Variants in ZNF385D observed in about 807,000 individuals in gnomAD.
The protein encoded by ZNF385D is zinc finger protein 659.
ZNF385D carries 15 observed loss-of-function variants against 35.8 expected under a neutral mutation model. The ratio of observed to expected loss-of-function variants is 0.42; its 90% confidence interval spans 0.28 to 0.64. The LOEUF (loss-of-function observed/expected upper bound fraction) is 0.64. Ranked by LOEUF, ZNF385D falls within the 30% of genes least tolerant of loss-of-function variation. The pLI is 0.23. For synonymous variants in ZNF385D, 212 were observed against 186.8 expected (o/e 1.13, Z -1.10); for missense variants, 474 against 494.6 (o/e 0.96, Z 0.39).
chr3:21,787,851 A>T (rs1187575524), intron 3 of ZNF385D, among the ~76,000 whole-genome samples: 1 of 148,874 alleles, frequency 6.7e-6, no homozygotes, highest in Non-Finnish European at 1.5e-5. Flanking sequence ...CTGAGGCAGG[A>T]GAATGGCGTG....
chr3:21,898,333 T>C (rs979288573), intron 3 of ZNF385D, among the ~76,000 whole-genome samples: 12 of 152,156 alleles, frequency 7.9e-5, no homozygotes, highest in African/African-American at 2.7e-4. Context: ...ACACAGCTCA[T>C]TGTAATGGAA....
upstream of ZNF385D, chr3:21,751,473 C>T (rs1385164887): frequency 2.0e-6 from 2 of 985,078 alleles, no homozygotes; most frequent in African/African-American, 1.7e-5. Flanking sequence ...CTGCCATTAA[C>T]GTGTAATTAG....
At position 21,721,376 on chromosome 3, in the gene ZNF385D, C is replaced by T. The variant is rs575549069; in HGVS notation, c.22+29519G>A. ...AAATCTTTAGACAGGCTCTGTCTCT[C>T]GGTGGTCTAAAATAGCCTTCCCATG... On this transcript the variant is annotated intron_variant, in intron 1 of 7. Transcript: ENST00000281523. 2.0e-3 allele frequency among the ~76,000 whole-genome samples: 299 copies of T among 151,840 alleles called. 1 individual carries two copies. The highest frequency in any genetic ancestry group is 6.8e-3 in the Middle Eastern group (2 of 292).
chr3:21,814,338 C>A (rs1032289606), intron 3 of ZNF385D, among the ~76,000 whole-genome samples: 26 of 152,156 alleles, frequency 1.7e-4, no homozygotes, highest in African/African-American at 6.0e-4. Context: ...GGATCAAATT[C>A]ACACATAACA....
At chr3:21,992,452 T>C (rs1190115818) in intron 3 of ZNF385D, among the ~76,000 whole-genome samples, 1 of 152,176 alleles carries the variant, frequency 6.6e-6, no homozygotes, top group Non-Finnish European at 1.5e-5. Context: ...CAAATTATAT[T>C]ATCATCATCC....
intron 3 of ZNF385D, among the ~76,000 whole-genome samples, chr3:21,966,604 C>G (rs560275938): frequency 6.6e-6 from 1 of 152,214 alleles, no homozygotes; most frequent in East Asian, 1.9e-4. Context: ...TTGTTTGAGA[C>G]GCAGTCACAC....
chr3:21,899,180 C>T (rs1303663138), intron 3 of ZNF385D, among the ~76,000 whole-genome samples: 1 of 152,034 alleles, frequency 6.6e-6, no homozygotes, highest in Admixed American at 6.6e-5. Context: ...AAGAATGTTA[C>T]TGTACGTGCT....
chr3:21,903,104 A>G (rs1482289730), intron 3 of ZNF385D, among the ~76,000 whole-genome samples: 3 of 152,128 alleles, frequency 2.0e-5, no homozygotes, highest in Non-Finnish European at 4.4e-5. Context: ...AAATGATTGC[A>G]CCTGTTGCAC....
At chr3:22,234,442 C>A (rs1699063537) in intron 2 of ZNF385D, among the ~76,000 whole-genome samples, 1 of 152,032 alleles carries the variant, frequency 6.6e-6, no homozygotes, top group South Asian at 2.1e-4. Flanking sequence ...TCATTCATTT[C>A]ATCCAGTCTA....
intron 2 of ZNF385D, among the ~76,000 whole-genome samples, chr3:21,619,398 G>A (rs2064938380): frequency 6.7e-6 from 1 of 149,794 alleles, no homozygotes; most frequent in African/African-American, 2.5e-5. Flanking sequence ...TTTCTTAGTT[G>A]TCATCGTGTG....
At chr3:21,768,137 A>T (rs1365084504) in intron 3 of ZNF385D, among the ~76,000 whole-genome samples, 9 of 152,072 alleles carry the variant, frequency 5.9e-5, no homozygotes, top group Admixed American at 5.9e-4. Flanking sequence ...TAAATGAGAG[A>T]ATCCCCAGGC....
intron 1 of ZNF385D, among the ~76,000 whole-genome samples, chr3:21,739,177 T>G (rs1228144876): frequency 1.3e-5 from 2 of 152,216 alleles, no homozygotes; most frequent in Non-Finnish European, 2.9e-5. Context: ...GAGGTCTAAG[T>G]GGTAGACTCT....
At chr3:22,300,367 C>G (rs1702831385) in intron 2 of ZNF385D, among the ~76,000 whole-genome samples, 1 of 144,998 alleles carries the variant, frequency 6.9e-6, no homozygotes, top group Admixed American at 7.0e-5. Flanking sequence ...AATTTCCTGA[C>G]ATTGATTGGT....
chr3:21,836,283 T>C (rs993885074), intron 3 of ZNF385D, among the ~76,000 whole-genome samples: 1 of 152,150 alleles, frequency 6.6e-6, no homozygotes, highest in African/African-American at 2.4e-5. Flanking sequence ...TGTCACTTTT[T>C]CGATTAAAGT....
chr3:21,897,573 G>T (rs141933327), intron 3 of ZNF385D, among the ~76,000 whole-genome samples: 1 of 152,020 alleles, frequency 6.6e-6, no homozygotes, highest in African/African-American at 2.4e-5. Flanking sequence ...TTATTTTCTA[G>T]GTTTCAGACG....
In ZNF385D at chr3:21,682,486, C is replaced by T. The variant is rs6784271; in HGVS notation, c.23-17458G>A. Among the ~76,000 whole-genome samples, 65 of 150,204 alleles carry T rather than the reference C, an allele frequency of 4.3e-4. 3 individuals are homozygous for T. The highest frequency in any genetic ancestry group is 1.6e-3 in the African/African-American group (65 of 40,850). Reference sequence around the variant, plus strand: ...AGATGTTCTTCATTTCCACTTAAGACAGAAAAAGCCATCAGAGGACTGAAA... The same window carrying T: ...AGATGTTCTTCATTTCCACTTAAGATAGAAAAAGCCATCAGAGGACTGAAA... On this transcript the variant is annotated intron_variant, in intron 1 of 7. Transcript: ENST00000281523.
At chr3:22,102,577 T>C (rs17010793) in intron 3 of ZNF385D, among the ~76,000 whole-genome samples, 28,440 of 151,970 alleles carry the variant, frequency 0.19, 3,819 homozygotes, top group African/African-American at 0.38. Context: ...AGCAACTTCT[T>C]TGCTGTCACT....
chr3:21,713,012 G>A (rs1255027736), intron 1 of ZNF385D, among the ~76,000 whole-genome samples: 2 of 152,078 alleles, frequency 1.3e-5, no homozygotes, highest in Non-Finnish European at 2.9e-5. Context: ...ATCACTCTTC[G>A]GTGTAAAAAT....
At chr3:22,298,453 A>C (rs1430488501) in intron 2 of ZNF385D, among the ~76,000 whole-genome samples, 1 of 125,682 alleles carries the variant, frequency 8.0e-6, no homozygotes, top group African/African-American at 2.7e-5. Flanking sequence ...TAAAATATTT[A>C]TATATAATAT....
Sources: allele counts gnomAD v4.1 joint callset (sites outside exome capture counted in the v4.1 genomes callset), GRCh38; gene constraint gnomAD v4.1.1; transcripts MANE v1.5; gene names NCBI Gene and HGNC (gene_info 2026-07-23, HGNC 2026-07-21).